The following MMRN2 variants were observed in gnomAD, a reference collection of about 807,000 sequenced individuals.
MMRN2 encodes the protein multimerin 2, also known as multimerin-2.
MMRN2 carries 53 observed loss-of-function variants against 68.8 expected under a neutral mutation model. The observed-to-expected ratio is 0.77, with a 90% CI of 0.62 to 0.97. The LOEUF is 0.97. Among genes scored for constraint, MMRN2 ranks in the 50% least tolerant of loss-of-function variants. The pLI is 0.00. For missense variants in MMRN2, 1,266 were observed against 1,259.5 expected, an observed-to-expected ratio of 1.01 and a Z score of -0.08; for synonymous variants, 564 against 551.6, an observed-to-expected ratio of 1.02 and a Z score of -0.32.
Position 86,942,928 on chromosome 10 carries a change from A to T in MMRN2, c.1856T>A (p.Leu619Gln). The change falls in exon 6 of 7, where the codon CTG (leucine) becomes CAG (glutamine). Residue 619 changes from leucine to glutamine, a missense_variant. Coordinates refer to ENST00000372027, the MANE Select transcript of MMRN2 (RefSeq NM_024756.3). ...CGGCGTCTGCTCAGACATCTCCTCC[A>T]GCACCTCCTCCCCGAAGAGCGCGGC... ...VLAALFGEEVLEEMSEQTPGP... is the reference protein window; with the variant it reads ...VLAALFGEEVQEEMSEQTPGP... 6.7e-7 allele frequency: 1 copy of T among 1,498,040 alleles called. No homozygotes were observed. The allele number at this position is 1,498,040 out of a possible 1,614,324, so 92.8% of individuals were successfully genotyped here.
rs974546004 is a variant in MMRN2 at position 86,936,122 on chromosome 10, T to A, written c.*621A>T. ...TAGGGATTACAATTCAAGATGATAT[T>A]TTAGGTGGGGGCACAGCTAAACCAT... On this transcript the variant is annotated 3_prime_UTR_variant, in exon 7 of 7. Coordinates refer to ENST00000372027, the MANE Select transcript of MMRN2 (RefSeq NM_024756.3). 3.4e-6 allele frequency: 1 copy of A among 291,768 alleles called. No homozygotes were observed. Among genetic ancestry groups the A allele is most frequent in the African/African-American group, 2.1e-5 (1 of 46,568 alleles). 18.1% of individuals were successfully genotyped at this position (291,768 alleles called of 1,614,324 possible).
rs112224150 is a variant in MMRN2 at position 86,936,818 on chromosome 10, C to T, written c.2775G>A (p.Glu925=). 4 of 1,614,112 alleles carry T rather than the reference C, an allele frequency of 2.5e-6. No individual in the cohort carries two copies. Among genetic ancestry groups the T allele is most frequent in the East Asian group, 4.5e-5 (2 of 44,904 alleles). Reference sequence around the variant, plus strand: ...TCTTTGTTATTGATCCCTGGGTTAACTCAAACCATACTCGCTCACCCTTCT... The same window carrying T: ...TCTTTGTTATTGATCCCTGGGTTAATTCAAACCATACTCGCTCACCCTTCT... ...ELQKGERVWF[E]LTQGSITKRS... Residue 925 remains glutamate, a synonymous_variant, in exon 7 of 7, where the codon GAG becomes GAA. Coordinates refer to ENST00000372027, the MANE Select transcript of MMRN2 (RefSeq NM_024756.3).
chr10:86,948,505 C>T lies in MMRN2; in HGVS notation c.165-2816G>A, dbSNP rs145225104. ...AAAATGAAAATAAATTTAATGGAAA[C>T]GTTAGAGGGTAAAGTTAAAGAAATT... On this transcript the variant is annotated intron_variant, in intron 1 of 6. Transcript: ENST00000372027. 4.2e-3 allele frequency among the ~76,000 whole-genome samples: 641 copies of T among 151,958 alleles called. 5 individuals carry two copies. The highest frequency in any genetic ancestry group is 0.014 in the African/African-American group (573 of 41,420).
In MMRN2 at chr10:86,945,914, C is replaced by A. The variant is rs1487557844; in HGVS notation, c.165-225G>T. ...CACCTGCTCCACCACCTTCCCGAAG[C>A]CTCCCCGAGCCAGCAGAGAGGCTGA... On this transcript the variant is annotated intron_variant, in intron 1 of 6. Transcript: ENST00000372027. 2.4e-6 allele frequency: 3 copies of A among 1,275,644 alleles called. No individual in the cohort carries two copies. In the African/African-American group the frequency reaches 4.5e-5, roughly 19 times the overall value. The allele number at this position is 1,275,644 out of a possible 1,614,324, so 79.0% of individuals were successfully genotyped here.
rs1232951051 is a variant in MMRN2, at chr10:86,943,087, C to A, written c.1697G>T (p.Ser566Ile). The A allele has an allele frequency of 6.9e-7, 1 of 1,449,222 alleles. No homozygotes were observed. The highest frequency in any genetic ancestry group is 2.8e-5 in the East Asian group (1 of 36,334). The allele number at this position is 1,449,222 out of a possible 1,614,324, so 89.8% of individuals were successfully genotyped here. A position where few individuals can be genotyped will look rare whatever the true frequency, so the allele number is the denominator to read the frequency against. ...CTCGTCATCCAGCGCCTGCACTTGG[C>A]TCCGGAGCCGCGACGTGGCCGCCCG... ...RARAATSRLR[S>I]QVQALDDEVG... Residue 566 changes from serine (S) to isoleucine (I), a missense_variant, in exon 6 of 7, where the codon AGC (serine) becomes ATC (isoleucine). Coordinates refer to ENST00000372027, the MANE Select transcript of MMRN2 (RefSeq NM_024756.3). The surrounding 1 kb of genome is among the most constrained non-coding windows in gnomAD (Gnocchi z 4.2).
intron 1 of MMRN2, among the ~76,000 whole-genome samples, chr10:86,956,952 G>C (rs997207496): frequency 6.6e-6 from 1 of 152,200 alleles, no homozygotes; most frequent in Non-Finnish European, 1.5e-5. Flanking sequence ...CTCACTGCTG[G>C]GCAGTCAGAG....
rs1844016550 is a variant in MMRN2, at chr10:86,943,604, ACTC to A, written c.1177_1179del (p.Glu393del). ...CTCATGTCCTCCAGGGTGTACTGCA[ACTC>A]CTCCTCCCTGCGGGCCGTGGTCATG... is the stretch of plus-strand genomic sequence containing the variant. On this transcript the variant is annotated inframe_deletion, in exon 6 of 7. Transcript: ENST00000372027. This position sits in a 1 kb window ranked among gnomAD's most constrained non-coding sequence, Gnocchi z 4.2. 1 of 1,610,590 alleles carries A rather than the reference ACTC, an allele frequency of 6.2e-7. No individual in the cohort carries two copies. Among genetic ancestry groups the A allele is most frequent in the African/African-American group, 1.4e-5 (1 of 73,764 alleles).
chr10:86,946,841 A>T (rs1291962281), intron 1 of MMRN2, among the ~76,000 whole-genome samples: 1 of 152,076 alleles, frequency 6.6e-6, no homozygotes, highest in Non-Finnish European at 1.5e-5. Flanking sequence ...GAGAGCGGGC[A>T]CTCTTAGAAT....
rs1843983995 is a variant in MMRN2 at position 86,942,309 on chromosome 10, G to A, written c.2467+8C>T. 6.2e-7 allele frequency: 1 copy of A among 1,601,226 alleles called. No individual in the cohort carries two copies. Among genetic ancestry groups the A allele is most frequent in the Non-Finnish European group, 8.5e-7 (1 of 1,172,892 alleles). On this transcript the variant is annotated splice_region_variant and intron_variant, in intron 6 of 6. Coordinates refer to ENST00000372027, the MANE Select transcript of MMRN2 (RefSeq NM_024756.3). ...GGCTCGTCCAGTCTCCCCAGCCCAG[G>A]AACTCACCTGCCTCCCAGAGCGCCG...
In MMRN2 at chr10:86,942,368, G is replaced by GT; in HGVS notation, c.2415dup (p.Arg806ThrfsTer53). 6.2e-7 allele frequency: 1 copy of GT among 1,614,080 alleles called. No individual in the cohort carries two copies. Among genetic ancestry groups the GT allele is most frequent in the Non-Finnish European group, 8.5e-7 (1 of 1,179,978 alleles). ...GCACCTGGCACAGGCCCTGTGACCCGTATGTCCACCAAAGGCTCCGCTTCC... is the reference window on the plus strand; with the variant it reads ...GCACCTGGCACAGGCCCTGTGACCCGTTATGTCCACCAAAGGCTCCGCTTCC... On this transcript the variant is annotated frameshift_variant, in exon 6 of 7. Coordinates refer to ENST00000372027, the MANE Select transcript of MMRN2 (RefSeq NM_024756.3). LOFTEE classifies it high-confidence loss of function.
At chr10:86,941,146 G>A (rs1314101990) in intron 6 of MMRN2, among the ~76,000 whole-genome samples, 1 of 152,218 alleles carries the variant, frequency 6.6e-6, no homozygotes, top group Non-Finnish European at 1.5e-5. Context: ...TAAAGCCCAG[G>A]AAGGGGACTA....
rs755629156 is a variant in MMRN2 at position 86,957,558 on chromosome 10, G to T, written c.-17C>A. 1.1e-5 allele frequency: 17 copies of T among 1,596,930 alleles called. No individual in the cohort carries two copies. The highest frequency in any genetic ancestry group is 1.3e-5 in the African/African-American group (1 of 74,376). ...CAGGATCATCTTGGTGGTGGGGCAGGCTCAGCTCACACTCAGCCTTGGCAA... is the reference window on the plus strand; with the variant it reads ...CAGGATCATCTTGGTGGTGGGGCAGTCTCAGCTCACACTCAGCCTTGGCAA... On this transcript the variant is annotated 5_prime_UTR_variant, in exon 1 of 7. Coordinates refer to ENST00000372027, the MANE Select transcript of MMRN2 (RefSeq NM_024756.3).
chr10:86,942,897 C>T lies in MMRN2; in HGVS notation c.1887G>A (p.Pro629=), dbSNP rs763621325. ...GGATCTGCTCGTAGCTCAGGGGCAG[C>T]GGTCCCGGCGTCTGCTCAGACATCT... ...LEEMSEQTPG[P]LPLSYEQIRV... Residue 629 remains proline, a synonymous_variant, in exon 6 of 7, where the codon CCG becomes CCA. Coordinates refer to ENST00000372027, the MANE Select transcript of MMRN2 (RefSeq NM_024756.3). 2.1e-6 allele frequency: 3 copies of T among 1,452,690 alleles called. No homozygotes were observed. The highest frequency in any genetic ancestry group is 9.1e-7 in the Non-Finnish European group (1 of 1,100,300). 90.0% of individuals were successfully genotyped at this position (1,452,690 alleles called of 1,614,324 possible). A position where few individuals can be genotyped will look rare whatever the true frequency, so the allele number is the denominator to read the frequency against.
At position 86,943,862 on chromosome 10, in the gene MMRN2, G is replaced by A. The variant is rs751775360; in HGVS notation, c.922C>T (p.Arg308Ter). The change falls in exon 6 of 7, where the codon CGA becomes TGA. Residue 308 changes from arginine (R) to a stop codon, truncating the protein, a stop_gained. Transcript: ENST00000372027. LOFTEE classifies it high-confidence loss of function. This position sits in a 1 kb window ranked among gnomAD's most constrained non-coding sequence, Gnocchi z 4.2. ...QENTQRVGQL[R>*]QDVEDRLHAQ... ...TGCAGGCGGTCCTCCACGTCCTGTC[G>A]CAGCTGACCCACTCTCTGAGTGTTC... The A allele has an allele frequency of 4.3e-6, 7 of 1,613,690 alleles. No homozygotes were observed. The highest frequency in any genetic ancestry group is 1.7e-5 in the Admixed American group (1 of 60,020).
chr10:86,941,462 T>C (rs1843962179), intron 6 of MMRN2, among the ~76,000 whole-genome samples: 1 of 152,152 alleles, frequency 6.6e-6, no homozygotes, highest in African/African-American at 2.4e-5. Flanking sequence ...CAAAATCTTA[T>C]TGTACTGTAC....
chr10:86,956,972 C>T (rs1348065199), intron 1 of MMRN2, among the ~76,000 whole-genome samples: 1 of 152,216 alleles, frequency 6.6e-6, no homozygotes, highest in Non-Finnish European at 1.5e-5. Flanking sequence ...GTCAGGTCCC[C>T]AGGGAACTCA....
In MMRN2 at chr10:86,943,621, G is replaced by A. The variant is rs1844017035; in HGVS notation, c.1163C>T (p.Ala388Val). The A allele has an allele frequency of 1.2e-6, 2 of 1,613,662 alleles. No homozygotes were observed. The highest frequency in any genetic ancestry group is 1.3e-5 in the African/African-American group (1 of 74,948). The change falls in exon 6 of 7, where the codon GCC (alanine) becomes GTC (valine). Residue 388 changes from alanine (A) to valine (V), a missense_variant. Transcript: ENST00000372027. This position sits in a 1 kb window ranked among gnomAD's most constrained non-coding sequence, Gnocchi z 4.2. ...RNLSELHMTT[A>V]RREEELQYTL... ...GTACTGCAACTCCTCCTCCCTGCGG[G>A]CCGTGGTCATGTGCAGCTCTGAGAG... is the stretch of plus-strand genomic sequence containing the variant.
rs749927225 is a variant in MMRN2 at position 86,936,994 on chromosome 10, G to A, written c.2599C>T (p.Arg867Cys). The change falls in exon 7 of 7, where the codon CGT becomes TGT. Residue 867 changes from arginine to cysteine, a missense_variant. Arg to Cys is a radical substitution (Grantham distance 180). Transcript: ENST00000372027. ...PEHGYFRAPE[R>C]GVYLFAVSVE... ...CTCACTGCAAACAGGTAGACACCAC[G>A]CTCAGGGGCTCGGAAGTAGCCATGT... The A allele has an allele frequency of 7.4e-6, 12 of 1,614,212 alleles. No homozygotes were observed. The highest frequency in any genetic ancestry group is 2.2e-5 in the South Asian group (2 of 91,086).
chr10:86,942,541 T>C lies in MMRN2; in HGVS notation c.2243A>G (p.Gln748Arg). The C allele has an allele frequency of 6.2e-7, 1 of 1,613,618 alleles. No individual in the cohort carries two copies. The highest frequency in any genetic ancestry group is 1.1e-5 in the South Asian group (1 of 91,080). ...FATQRSLEQH[Q>R]RLFHSLFGNF... is the part of the protein sequence containing the mutation. ...CCCAAAGAGGCTGTGGAAGAGCCGC[T>C]GGTGCTGCTCCAAGCTGCGCTGAGT... Residue 748 changes from glutamine to arginine, a missense_variant, in exon 6 of 7, where the codon CAG (glutamine) becomes CGG (arginine). Transcript: ENST00000372027.
Sources: allele counts gnomAD v4.1 joint callset (sites outside exome capture counted in the v4.1 genomes callset), GRCh38; gene constraint gnomAD v4.1.1; non-coding constraint Gnocchi (gnomAD v3.1); transcripts MANE v1.5; gene names NCBI Gene and HGNC (gene_info 2026-07-23, HGNC 2026-07-21).